TMEM65: variants seen among roughly 807,000 people sequenced by gnomAD.
TMEM65 encodes the protein transmembrane protein 65.
TMEM65 carries 22 observed loss-of-function variants against 25.4 expected under a neutral mutation model. The ratio of observed to expected loss-of-function variants is 0.86; its 90% CI spans 0.62 to 1.23. The LOEUF is 1.23. TMEM65 is among the 50% of genes most tolerant of loss of function. TMEM65 has a pLI of 0.00. For missense variants in TMEM65, 262 were observed against 308.2 expected (o/e 0.85, Z 1.12); for synonymous variants, 132 against 126.2 (o/e 1.05, Z -0.31).
intron 1 of TMEM65, among the ~76,000 whole-genome samples, chr8:124,364,900 G>A (rs1814917837): frequency 6.6e-6 from 1 of 152,140 alleles, no homozygotes; most frequent in Non-Finnish European, 1.5e-5. Flanking sequence ...CAAGGATTTA[G>A]TCCCTATTTG....
intron 1 of TMEM65, among the ~76,000 whole-genome samples, chr8:124,359,077 T>C (rs777595520): frequency 6.6e-5 from 10 of 152,214 alleles, no homozygotes; most frequent in South Asian, 6.2e-4. Flanking sequence ...TGGTAGTAAA[T>C]GGCAACACTG....
rs995218377 is a variant in TMEM65, at chr8:124,312,326, T to C, written c.*1634A>G. ...GTTATATATTTATTTTTAGATTATATGCTATATTTTTATGCTTTCTCTCCT... is the reference window on the plus strand; with the variant it reads ...GTTATATATTTATTTTTAGATTATACGCTATATTTTTATGCTTTCTCTCCT... On this transcript the variant is annotated 3_prime_UTR_variant, in exon 7 of 7. Coordinates refer to ENST00000297632, the MANE Select transcript of TMEM65 (RefSeq NM_194291.3). 6.6e-6 allele frequency: 1 copy of C among 152,064 alleles called. No individual in the cohort carries two copies. Among genetic ancestry groups the C allele is most frequent in the Non-Finnish European group, 1.5e-5 (1 of 67,926 alleles). The allele number at this position is 152,064 out of a possible 1,614,324, so 9.4% of individuals were successfully genotyped here.
At chr8:124,357,829 C>CTTTTTTTTT (rs35830531) in intron 1 of TMEM65, among the ~76,000 whole-genome samples, 3 of 105,818 alleles carry the variant, frequency 2.8e-5, no homozygotes, top group Non-Finnish European at 5.3e-5. Flanking sequence ...ACTTTTTTAT[C>CTTTTTTTTT]TTTTTTTTTT....
intron 1 of TMEM65, among the ~76,000 whole-genome samples, chr8:124,361,654 GAA>G (rs963312006): frequency 2.2e-4 from 33 of 151,276 alleles, no homozygotes; most frequent in African/African-American, 8.0e-4. Context: ...CCAACAAGGT[GAA>G]AACCCCGTCT....
At chr8:124,322,994 C>CTAAATAAATAAATAAA (rs199541134) in intron 4 of TMEM65, among the ~76,000 whole-genome samples, 5 of 149,822 alleles carry the variant, frequency 3.3e-5, no homozygotes, top group African/African-American at 1.2e-4. Context: ...GACCCCGTCT[C>CTAAATAAATAAATAAA]TAAATAAATA....
At chr8:124,367,202 C>T (rs1011600223) in intron 1 of TMEM65, among the ~76,000 whole-genome samples, 1 of 152,158 alleles carries the variant, frequency 6.6e-6, no homozygotes, top group Admixed American at 6.5e-5. Context: ...AGGCTAGGCA[C>T]GGTGCTCACA....
chr8:124,351,654 A>G (rs1255840687), intron 1 of TMEM65, among the ~76,000 whole-genome samples: 3 of 152,166 alleles, frequency 2.0e-5, no homozygotes, highest in Non-Finnish European at 2.9e-5. Context: ...ACGTCATGAA[A>G]TATCTCCAAG....
chr8:124,338,351 TCC>T (rs55657963), intron 1 of TMEM65, among the ~76,000 whole-genome samples: 51,982 of 151,742 alleles, frequency 0.34, 10,058 homozygotes, highest in Non-Finnish European at 0.43. Context: ...TAGAATAGAT[TCC>T]TATAAGTGGC....
intron 1 of TMEM65, among the ~76,000 whole-genome samples, chr8:124,347,135 G>A (rs565046536): frequency 2.0e-4 from 31 of 152,108 alleles, no homozygotes; most frequent in Admixed American, 2.0e-3. Context: ...ATTCAAAATT[G>A]AAAAATGAAT....
chr8:124,333,660 C>T lies in TMEM65; in HGVS notation c.305-2868G>A, dbSNP rs189644786. ...GGAATTCTCCTGCATGGAACAACCACAAACTACAAACAAAAATACAACAAA... is the reference window on the plus strand; with the variant it reads ...GGAATTCTCCTGCATGGAACAACCATAAACTACAAACAAAAATACAACAAA... On this transcript the variant is annotated intron_variant, in intron 1 of 6. Coordinates refer to ENST00000297632, the MANE Select transcript of TMEM65 (RefSeq NM_194291.3). Among the ~76,000 whole-genome samples the T allele has an allele frequency of 4.6e-3, 694 of 152,230 alleles. 5 individuals carry two copies. Among genetic ancestry groups the T allele is most frequent in the African/African-American group, 0.015 (642 of 41,534 alleles).
chr8:124,355,310 G>T (rs1183774342), intron 1 of TMEM65, among the ~76,000 whole-genome samples: 1 of 151,552 alleles, frequency 6.6e-6, no homozygotes, highest in Non-Finnish European at 1.5e-5. Flanking sequence ...ATAAAATTCA[G>T]CCAGTTCACA....
chr8:124,323,455 G>T, intron 3 of TMEM65, 80 bp from the exon 4 acceptor site: 1 of 733,922 alleles, frequency 1.4e-6, no homozygotes, highest in Non-Finnish European at 2.2e-6. Flanking sequence ...AATAAAAACA[G>T]ATACAAGTTA....
intron 1 of TMEM65, among the ~76,000 whole-genome samples, chr8:124,359,401 C>A (rs1008521074): frequency 7.2e-5 from 11 of 152,160 alleles, no homozygotes; most frequent in Non-Finnish European, 1.3e-4. Context: ...TCTCATCCAA[C>A]GATGTCTATT....
At chr8:124,337,328 A>G (rs564091834) in intron 1 of TMEM65, among the ~76,000 whole-genome samples, 11 of 152,028 alleles carry the variant, frequency 7.2e-5, no homozygotes, top group Admixed American at 2.0e-4. Flanking sequence ...CAAGAAATTT[A>G]CAAAGAAGAG....
At chr8:124,318,305 G>A (rs1814262143) in intron 6 of TMEM65, among the ~76,000 whole-genome samples, 1 of 148,124 alleles carries the variant, frequency 6.8e-6, no homozygotes, top group Non-Finnish European at 1.5e-5. Context: ...TTCCTGATCT[G>A]ACCCACAGAA....
In TMEM65 at chr8:124,351,339, T is replaced by C. The variant is rs76165996; in HGVS notation, c.304+20515A>G. Among the ~76,000 whole-genome samples the C allele has an allele frequency of 2.0e-4, 30 of 152,268 alleles. No homozygotes were observed. In the East Asian group the frequency reaches 5.8e-3, roughly 29 times the overall value. On this transcript the variant is annotated intron_variant, in intron 1 of 6. Coordinates refer to ENST00000297632, the MANE Select transcript of TMEM65 (RefSeq NM_194291.3). ...AAAAGTTGTAATCATTCTGTGACCT[T>C]TCAAATTTTTTTGTCAAAACATGAA...
Position 124,372,132 on chromosome 8 carries a change from C to G in TMEM65, c.26G>C (p.Arg9Thr), listed in dbSNP as rs1172187616. The change falls in exon 1 of 7, where the codon AGG (arginine) becomes ACG (threonine). Residue 9 changes from arginine (R) to threonine (T), a missense_variant. Coordinates refer to ENST00000297632, the MANE Select transcript of TMEM65 (RefSeq NM_194291.3). MSRLLPLLRSRTARSLRPG... is the reference protein window; with the variant it reads MSRLLPLLTSRTARSLRPG... ...CCTCAGGCTGCGCGCGGTCCGGCTC[C>G]TCAGCAGCGGCAGCAGCCGGGACAT... 1 of 1,250,174 alleles carries G rather than the reference C, an allele frequency of 8.0e-7. No homozygotes were observed. The highest frequency in any genetic ancestry group is 1.0e-6 in the Non-Finnish European group (1 of 992,692). The allele number at this position is 1,250,174 out of a possible 1,614,324, so 77.4% of individuals were successfully genotyped here.
chr8:124,326,290 C>T (rs1239730476), intron 3 of TMEM65, among the ~76,000 whole-genome samples: 1 of 151,946 alleles, frequency 6.6e-6, no homozygotes, highest in African/African-American at 2.4e-5. Flanking sequence ...ATGCTAATAT[C>T]TGAAAAGAAT....
intron 2 of TMEM65, among the ~76,000 whole-genome samples, chr8:124,330,398 T>C (rs1461344921): frequency 1.3e-5 from 2 of 151,898 alleles, no homozygotes; most frequent in Non-Finnish European, 2.9e-5. Flanking sequence ...TATCTCGCCT[T>C]GGGCCTAGAA....
Sources: gnomAD v4.1 joint callset for allele counts (sites outside exome capture counted in the v4.1 genomes callset) on GRCh38, gnomAD v4.1.1 for gene constraint, MANE v1.5 for transcripts, NCBI Gene and HGNC (gene_info 2026-07-23, HGNC 2026-07-21) for gene names.